Variants in OR1L8 observed in about 807,000 individuals in gnomAD.
OR1L8 encodes olfactory receptor family 1 subfamily L member 8.
For synonymous variants in OR1L8, 148 were observed against 147.0 expected, an observed-to-expected ratio of 1.01 and a Z score of -0.05; for missense variants, 330 against 377.4, an observed-to-expected ratio of 0.87 and a Z score of 1.04.
the OR1L8 span, among the ~76,000 whole-genome samples, chr9:122,552,002 C>T: frequency 2.1e-5 from 3 of 144,276 alleles, no homozygotes; most frequent in East Asian, 5.9e-4. Context: ...GATCCATAAT[C>T]TGACAGGTGA....
In OR1L8 at chr9:122,576,840, T is replaced by TTGTC. The variant is rs971270690; in HGVS notation, c.-420_-417dup. The TTGTC allele has an allele frequency of 3.9e-5, 6 of 152,250 alleles. No homozygotes were observed. The highest frequency in any genetic ancestry group is 1.9e-4 in the East Asian group (1 of 5,198). The allele number at this position is 152,250 out of a possible 1,614,324, so 9.4% of individuals were successfully genotyped here. A position where few individuals can be genotyped will look rare whatever the true frequency, so the allele number is the denominator to read the frequency against. ...TAAGCTGTGATTCTTTGTATTTTTG[T>TTGTC]TGTCTGTCTCTCCAATTTGGGGGGC... On this transcript the variant is annotated 5_prime_UTR_variant, in exon 3 of 5. The change creates a premature stop within an existing upstream ORF in the 5' untranslated region. Transcript: ENST00000641027.
rs535606431 is a variant in OR1L8, at chr9:122,575,480, GGT to G, written c.-342+1284_-342+1285del. Reference sequence around the variant, plus strand: ...ATTCATTTAGGTTATCAAATTTGTGGGTACAGAGTTGTTCATAGTATTTCTTT... The same window carrying G: ...ATTCATTTAGGTTATCAAATTTGTGGACAGAGTTGTTCATAGTATTTCTTT... On this transcript the variant is annotated intron_variant, in intron 3 of 4. Transcript: ENST00000641027. Among the ~76,000 whole-genome samples the G allele has an allele frequency of 3.0e-4, 46 of 152,008 alleles. No homozygotes were observed. The East Asian group carries it at 8.1e-3, about 27-fold the overall frequency.
chr9:122,581,315 G>A (rs1244704988), intron 1 of OR1L8, among the ~76,000 whole-genome samples: 8 of 152,084 alleles, frequency 5.3e-5, no homozygotes, highest in Admixed American at 2.0e-4. Context: ...GTAGTGAGCC[G>A]AGATGGCGCC....
chr9:122,553,805 C>T, the OR1L8 span: 303 of 1,613,972 alleles, frequency 1.9e-4, 3 homozygotes, highest in Middle Eastern at 2.0e-3. Flanking sequence ...CCCATGTAAA[C>T]GAGCTGATGA....
downstream of OR1L8, among the ~76,000 whole-genome samples, chr9:122,564,622 AC>A (rs1201364497): frequency 3.3e-5 from 5 of 152,216 alleles, no homozygotes; most frequent in African/African-American, 1.2e-4. Context: ...CTGGAGAATG[AC>A]AGTGGATTAT....
rs757259936 is a variant in OR1L8 at position 122,568,349 on chromosome 9, G to T, written c.129C>A (p.Asn43Lys). ...AGCGAATGGCCAGGATGATGAGCAG[G>T]TTCCCTGTTATGGTGACCAGGTACA... ...LIVYLVTITGNLLIILAIRFN... is the reference protein window; with the variant it reads ...LIVYLVTITGKLLIILAIRFN... Residue 43 changes from asparagine to lysine, a missense_variant, in exon 5 of 5, where the codon AAC becomes AAA. Coordinates refer to ENST00000641027, the MANE Select transcript of OR1L8 (RefSeq NM_001004454.2). The T allele has an allele frequency of 1.9e-6, 3 of 1,614,116 alleles. No individual in the cohort carries two copies. The highest frequency in any genetic ancestry group is 2.2e-5 in the South Asian group (2 of 91,076).
intron 4 of OR1L8, among the ~76,000 whole-genome samples, chr9:122,572,050 G>T (rs545373366): frequency 6.6e-6 from 1 of 152,314 alleles, no homozygotes; most frequent in East Asian, 1.9e-4. Context: ...GCCGGAGCAG[G>T]CATCTTACAT....
intron 4 of OR1L8, among the ~76,000 whole-genome samples, chr9:122,572,398 G>C (rs1829569524): frequency 6.6e-6 from 1 of 152,196 alleles, no homozygotes; most frequent in Non-Finnish European, 1.5e-5. Flanking sequence ...AAATAGTGGA[G>C]ATTTGGGTTA....
At chr9:122,547,365 A>T in the OR1L8 span, among the ~76,000 whole-genome samples, 11 of 152,142 alleles carry the variant, frequency 7.2e-5, no homozygotes, top group African/African-American at 2.7e-4. Flanking sequence ...GTTTTATTTT[A>T]TTTGTTATAT....
chr9:122,565,457 A>G (rs549278071), downstream of OR1L8, among the ~76,000 whole-genome samples: 8 of 152,226 alleles, frequency 5.3e-5, no homozygotes, highest in African/African-American at 1.7e-4. Context: ...GGCGGCAGGG[A>G]TGGAGGTTAT....
At chr9:122,571,567 T>C (rs1457255315) in intron 4 of OR1L8, among the ~76,000 whole-genome samples, 1 of 128,464 alleles carries the variant, frequency 7.8e-6, no homozygotes, top group Non-Finnish European at 1.7e-5. Context: ...AAAAAAAAAA[T>C]TAGCTGAGTG....
At chr9:122,550,288 A>G in the OR1L8 span, among the ~76,000 whole-genome samples, 45,782 of 151,984 alleles carry the variant, frequency 0.3, 7,431 homozygotes, top group East Asian at 0.54. Flanking sequence ...AAAGCCCAGG[A>G]TCAGTTTAAT....
chr9:122,570,430 G>C (rs370475943), intron 4 of OR1L8, among the ~76,000 whole-genome samples: 1 of 152,080 alleles, frequency 6.6e-6, no homozygotes, highest in Admixed American at 6.6e-5. Context: ...TTAAATGTTG[G>C]CTATTTATAT....
In OR1L8 at chr9:122,567,592, C is replaced by CT; in HGVS notation, c.885dup (p.Asp296ArgfsTer24). The CT allele has an allele frequency of 6.2e-7, 1 of 1,607,750 alleles. No homozygotes were observed. The highest frequency in any genetic ancestry group is 8.5e-7 in the Non-Finnish European group (1 of 1,177,798). On this transcript the variant is annotated frameshift_variant, in exon 5 of 5. Transcript: ENST00000641027. LOFTEE classifies it high-confidence loss of function. Reference sequence around the variant, plus strand: ...AGCTTCCTCAGGCCCTGTTTCAGGTCTTTGTTTCTCAGGCTGTAGATAAAA... The same window carrying CT: ...AGCTTCCTCAGGCCCTGTTTCAGGTCTTTTGTTTCTCAGGCTGTAGATAAAA...
At chr9:122,547,010 A>G in the OR1L8 span, among the ~76,000 whole-genome samples, 1 of 152,118 alleles carries the variant, frequency 6.6e-6, no homozygotes, top group East Asian at 1.9e-4. Flanking sequence ...ATTGTTAACT[A>G]TAGTCATCCT....
chr9:122,567,716 T>C lies in OR1L8; in HGVS notation c.762A>G (p.Gly254=), dbSNP rs1829456852. 6.2e-7 allele frequency: 1 copy of C among 1,613,862 alleles called. No homozygotes were observed. The highest frequency in any genetic ancestry group is 1.3e-5 in the African/African-American group (1 of 74,846). The part of the protein sequence containing the change: ...FYLTVVTLFY[G]SIFCVYLQPP... ...GCTGTAAATAGACACAGAAGATGCT[T>C]CCATAAAAGAGCGTCACCACGGTGA... Residue 254 remains glycine (G), a synonymous_variant, in exon 5 of 5, where the codon GGA becomes GGG. Transcript: ENST00000641027.
intron 1 of OR1L8, among the ~76,000 whole-genome samples, chr9:122,579,006 A>G (rs1346525546): frequency 6.6e-6 from 1 of 151,802 alleles, no homozygotes; most frequent in Non-Finnish European, 1.5e-5. Context: ...ATGTCACCAA[A>G]CACCACCTGT....
intron 3 of OR1L8, among the ~76,000 whole-genome samples, chr9:122,575,830 C>CA (rs1829644621): frequency 6.6e-6 from 1 of 152,296 alleles, no homozygotes; most frequent in African/African-American, 2.4e-5. Flanking sequence ...TCATGTTGTA[C>CA]ATTAGATCTC....
chr9:122,548,326 C>T, the OR1L8 span, among the ~76,000 whole-genome samples: 1 of 152,092 alleles, frequency 6.6e-6, no homozygotes, highest in East Asian at 1.9e-4. Flanking sequence ...TCTTTATATA[C>T]ATTTCCCTTA....
Sources: allele counts gnomAD v4.1 joint callset (sites outside exome capture counted in the v4.1 genomes callset), GRCh38; gene constraint gnomAD v4.1.1; transcripts MANE v1.5; gene names NCBI Gene and HGNC (gene_info 2026-07-23, HGNC 2026-07-21).